The following PCSK9 variants were observed in gnomAD, a reference collection of about 807,000 sequenced individuals.
PCSK9 encodes proprotein convertase subtilisin/kexin type 9, also known as convertase subtilisin/kexin type 9 preproprotein.
A neutral mutation model predicts 62.1 loss-of-function variants in PCSK9; 57 were observed. The ratio of observed to expected loss-of-function variants is 0.92; its 90% CI spans 0.74 to 1.14. PCSK9 has a LOEUF of 1.14. PCSK9 is among the 50% of genes most tolerant of loss of function. The probability of loss-of-function intolerance (pLI) is 0.00; values close to 1 mark genes in which losing one functional copy is unlikely to be tolerated. For synonymous variants in PCSK9, 387 were observed against 409.4 expected, an observed-to-expected ratio of 0.95 and a Z score of 0.66; for missense variants, 870 against 959.8, an observed-to-expected ratio of 0.91 and a Z score of 1.24.
chr1:55,046,476 G>A, intron 2 of PCSK9, 47 bp from the exon 3 acceptor site: 3 of 1,614,088 alleles, frequency 1.9e-6, no homozygotes, highest in South Asian at 1.1e-5. Context: ...GTTTGCTGCT[G>A]TCCAAATGGC....
At chr1:55,053,357 G>C (rs1644690384) in intron 5 of PCSK9, among the ~76,000 whole-genome samples, 1 of 152,182 alleles carries the variant, frequency 6.6e-6, no homozygotes, top group African/African-American at 2.4e-5. Flanking sequence ...ACAGAGAAGA[G>C]GGAGGGTTCT....
At chr1:55,054,971 C>G (rs1644701364) in intron 5 of PCSK9, among the ~76,000 whole-genome samples, 1 of 151,202 alleles carries the variant, frequency 6.6e-6, no homozygotes, top group Non-Finnish European at 1.5e-5. Flanking sequence ...CGCCACTGCA[C>G]TCCAGCCTGG....
At position 55,063,609 on chromosome 1, in the gene PCSK9, T is replaced by TG; in HGVS notation, c.*29dup. ...ACAGCCCCATCCCAGGATGGGTGTCTGGGGAGGGTCAAGGGCTGGGGCTGA... is the reference window on the plus strand; with the variant it reads ...ACAGCCCCATCCCAGGATGGGTGTCTGGGGGAGGGTCAAGGGCTGGGGCTGA... On this transcript the variant is annotated 3_prime_UTR_variant, in exon 12 of 12. Transcript: ENST00000302118. The TG allele has an allele frequency of 6.2e-7, 1 of 1,606,578 alleles. No homozygotes were observed. The highest frequency in any genetic ancestry group is 8.5e-7 in the Non-Finnish European group (1 of 1,177,272).
intron 3 of PCSK9, 39 bp downstream of exon 3, chr1:55,046,685 G>A: frequency 1.9e-6 from 3 of 1,611,172 alleles, no homozygotes; most frequent in Non-Finnish European, 2.5e-6. Flanking sequence ...CCCCATCTGA[G>A]CTGAATCCAT....
intron 6 of PCSK9, among the ~76,000 whole-genome samples, chr1:55,056,470 C>A (rs568487992): frequency 4.0e-4 from 61 of 152,284 alleles, no homozygotes; most frequent in Non-Finnish European, 6.8e-4. Context: ...GCCCCCACAC[C>A]CCGTCCTGGC....
chr1:55,043,783 T>C, intron 1 of PCSK9, 60 bp from the exon 2 acceptor site: 1 of 1,580,124 alleles, frequency 6.3e-7, no homozygotes, highest in Non-Finnish European at 8.7e-7. Flanking sequence ...TGAGATAAAG[T>C]ACACCTAGGG....
At chr1:55,058,783 A>C in intron 9 of PCSK9, 136 bp downstream of exon 9, 4 of 1,506,098 alleles carry the variant, frequency 2.7e-6, no homozygotes, top group Non-Finnish European at 3.6e-6. Flanking sequence ...CTCTTCTGTA[A>C]GCTTACAGGG....
At chr1:55,049,037 C>T (rs938097591) in intron 3 of PCSK9, among the ~76,000 whole-genome samples, 2 of 152,320 alleles carry the variant, frequency 1.3e-5, no homozygotes, top group East Asian at 1.9e-4. Context: ...TTAATCCATT[C>T]CTTAAACAAA....
chr1:55,054,590 C>A (rs1312294276), intron 5 of PCSK9, among the ~76,000 whole-genome samples: 1 of 152,144 alleles, frequency 6.6e-6, no homozygotes, highest in Non-Finnish European at 1.5e-5. Context: ...GGCTCCCACA[C>A]CTCATTTGAC....
In PCSK9 at chr1:55,039,654, C is replaced by T; in HGVS notation, c.-184C>T. 3 of 697,150 alleles carry T rather than the reference C, an allele frequency of 4.3e-6. No individual in the cohort carries two copies. Among genetic ancestry groups the T allele is most frequent in the Non-Finnish European group, 7.2e-6 (3 of 419,058 alleles). 43.2% of individuals were successfully genotyped at this position (697,150 alleles called of 1,614,324 possible). A position where few individuals can be genotyped will look rare whatever the true frequency, so the allele number is the denominator to read the frequency against. ...TGAGACTGGCTCGGGCGGGCCGGGA[C>T]GCGTCGTTGCAGCAGCGGCTCCCAG... On this transcript the variant is annotated 5_prime_UTR_variant, in exon 1 of 12. It adds an upstream start codon to the 5' untranslated region. Transcript: ENST00000302118.
chr1:55,062,440 G>A (rs1469765909), intron 11 of PCSK9, among the ~76,000 whole-genome samples: 1 of 152,188 alleles, frequency 6.6e-6, no homozygotes, highest in Non-Finnish European at 1.5e-5. Flanking sequence ...AGGGATACAG[G>A]CCCAAGAGAC....
chr1:55,055,322 C>G (rs1020409309), intron 5 of PCSK9, among the ~76,000 whole-genome samples: 1 of 150,840 alleles, frequency 6.6e-6, no homozygotes, highest in Non-Finnish European at 1.5e-5. Context: ...CAGAGAGTGG[C>G]GGGGGAAGTT....
chr1:55,042,350 C>T (rs1262533923), intron 1 of PCSK9, among the ~76,000 whole-genome samples: 1 of 152,302 alleles, frequency 6.6e-6, no homozygotes, highest in African/African-American at 2.4e-5. Flanking sequence ...TAGCACCTGA[C>T]GTGAACTGAC....
chr1:55,059,527 T>C lies in PCSK9; in HGVS notation c.1545T>C (p.Phe515=), dbSNP rs1356131564. The change falls in exon 10 of 12, where the codon TTT becomes TTC. Residue 515 remains phenylalanine (F), a synonymous_variant. Transcript: ENST00000302118. Reference sequence around the variant, plus strand: ...TGGTCTGCCGGGCCCACAACGCTTTTGGGGGTGAGGGTGTCTACGCCATTG... The same window carrying C: ...TGGTCTGCCGGGCCCACAACGCTTTCGGGGGTGAGGGTGTCTACGCCATTG... The part of the protein sequence containing the change: ...GKLVCRAHNA[F]GGEGVYAIAR... The C allele has an allele frequency of 6.4e-7, 1 of 1,565,168 alleles. No homozygotes were observed. The highest frequency in any genetic ancestry group is 2.3e-5 in the East Asian group (1 of 42,864).
chr1:55,057,917 AGTGTCTGTGTGCACGTGTGTTTGT>A (rs1273131305), intron 7 of PCSK9, 95 bp from the exon 8 acceptor site: 2 of 1,389,576 alleles, frequency 1.4e-6, no homozygotes, highest in Admixed American at 3.4e-5. Flanking sequence ...AAGAGAGCTT[AGTGTCTGTGTGCACGTGTGTTTGT>A]GTGTATGTGT....
Position 55,061,460 on chromosome 1 carries a change from G to T in PCSK9, c.1767G>T (p.Val589=). 1 of 1,608,032 alleles carries T rather than the reference G, an allele frequency of 6.2e-7. No individual in the cohort carries two copies. The highest frequency in any genetic ancestry group is 1.1e-5 in the South Asian group (1 of 89,150). Reference sequence around the variant, plus strand: ...CACGAGGTCAGCCCAACCAGTGCGTGGGCCACAGGGAGGCCAGCATCCACG... The same window carrying T: ...CACGAGGTCAGCCCAACCAGTGCGTTGGCCACAGGGAGGCCAGCATCCACG... ...LRPRGQPNQC[V]GHREASIHAS... is the part of the protein sequence containing the mutation. Residue 589 remains valine (V), a synonymous_variant, in exon 11 of 12, where the codon GTG becomes GTT. Transcript: ENST00000302118.
rs866369854 is a variant in PCSK9, at chr1:55,040,505, T to A, written c.207+461T>A. On this transcript the variant is annotated intron_variant, in intron 1 of 11. Transcript: ENST00000302118. This position sits in a 1 kb window ranked among gnomAD's most constrained non-coding sequence, Gnocchi z 4.1. ...GGGTTCCGATTTGGTTTGGAAAACA[T>A]GGGCAGCGGAGGGTGGAGGGCCTGG... 1.3e-5 allele frequency among the ~76,000 whole-genome samples: 2 copies of A among 151,702 alleles called. No individual in the cohort carries two copies. The highest frequency in any genetic ancestry group is 2.1e-4 in the South Asian group (1 of 4,806).
intron 3 of PCSK9, among the ~76,000 whole-genome samples, chr1:55,050,196 C>G (rs568895725): frequency 2.6e-4 from 39 of 152,232 alleles, no homozygotes; most frequent in Non-Finnish European, 4.6e-4. Flanking sequence ...TCCTGAGCAC[C>G]TGTATCCCCT....
At chr1:55,052,911 G>C in intron 5 of PCSK9, 120 bp downstream of exon 5, 1 of 1,499,332 alleles carries the variant, frequency 6.7e-7, no homozygotes, top group Non-Finnish European at 9.1e-7. Flanking sequence ...AGCCTCTGCC[G>C]CAGAGCCAGA....
Sources: gnomAD v4.1 joint callset for allele counts (sites outside exome capture counted in the v4.1 genomes callset) on GRCh38, gnomAD v4.1.1 for gene constraint, Gnocchi (gnomAD v3.1) non-coding constraint, MANE v1.5 for transcripts, NCBI Gene and HGNC (gene_info 2026-07-23, HGNC 2026-07-21) for gene names.